The following MIDEAS variants were observed in gnomAD, a reference collection of about 807,000 sequenced individuals.
The protein encoded by MIDEAS is mitotic deacetylase-associated SANT domain protein.
Under a neutral mutation model 102.7 loss-of-function variants are expected in MIDEAS, and 26 were observed. The observed-to-expected ratio is 0.25, with a 90% CI of 0.19 to 0.35. The LOEUF (loss-of-function observed/expected upper bound fraction) is 0.35, where lower values mean the gene tolerates loss of function less well. Ranked by LOEUF, MIDEAS falls within the 10% of genes least tolerant of loss-of-function variation. The pLI is 1.00. For missense variants in MIDEAS, 1,231 were observed against 1,435.6 expected (o/e 0.86, Z 2.30); for synonymous variants, 585 against 591.0 (o/e 0.99, Z 0.15).
intron 1 of MIDEAS, among the ~76,000 whole-genome samples, chr14:73,746,888 A>G (rs1029876711): frequency 6.6e-6 from 1 of 152,166 alleles, no homozygotes; most frequent in African/African-American, 2.4e-5. Context: ...GAGACACAGG[A>G]GACACAGAGC....
chr14:73,769,860 A>G (rs1411697220), intron 1 of MIDEAS, among the ~76,000 whole-genome samples: 1 of 149,790 alleles, frequency 6.7e-6, no homozygotes, highest in Admixed American at 6.6e-5. Context: ...TCGGCCTCCC[A>G]AAGTGCTGGG....
chr14:73,727,093 A>G, intron 5 of MIDEAS, 121 bp from the exon 6 acceptor site: 8 of 1,291,456 alleles, frequency 6.2e-6, no homozygotes, highest in Non-Finnish European at 8.4e-6. Context: ...AGCTAGGTGT[A>G]GGGAGTCTGG....
chr14:73,756,370 T>G (rs1366313858), intron 1 of MIDEAS, among the ~76,000 whole-genome samples: 1 of 152,116 alleles, frequency 6.6e-6, no homozygotes, highest in Non-Finnish European at 1.5e-5. Context: ...ATTAAAGTTA[T>G]GCTGTAATGC....
chr14:73,739,887 A>T lies in MIDEAS; in HGVS notation c.122T>A (p.Val41Glu), dbSNP rs1451365610. 6.4e-7 allele frequency: 1 copy of T among 1,557,138 alleles called. No homozygotes were observed. The highest frequency in any genetic ancestry group is 8.7e-7 in the Non-Finnish European group (1 of 1,148,948). Residue 41 changes from valine to glutamate, a missense_variant, in exon 2 of 13, where the codon GTG becomes GAG. By Grantham distance (121) the Val-to-Glu change is moderately radical (BLOSUM62 -2). Coordinates refer to ENST00000423556, the MANE Select transcript of MIDEAS (RefSeq NM_001367710.1). ...GTGCCCGAGGTACTGCTCCTCCTTC[A>T]CTCTGATGGACTGCTGGGGGGGCTG... The part of the protein sequence containing the change: ...PLQPPQQSIR[V>E]KEEQYLGHEG...
intron 7 of MIDEAS, 122 bp from the exon 8 acceptor site, chr14:73,726,230 G>A (rs1016586724): frequency 3.0e-5 from 25 of 821,564 alleles, no homozygotes; most frequent in Non-Finnish European, 4.9e-5. Context: ...CTTAACTGCT[G>A]AGAGATAAGG....
intron 1 of MIDEAS, among the ~76,000 whole-genome samples, chr14:73,766,770 G>A (rs760806946): frequency 1.5e-4 from 23 of 150,926 alleles, no homozygotes; most frequent in Middle Eastern, 3.5e-3. Flanking sequence ...CAGGATGGTC[G>A]TCTCAATCTC....
rs114483256 is a variant in MIDEAS, at chr14:73,722,957, G to A, written c.2575-110C>T. 3,654 of 1,314,898 alleles carry A rather than the reference G, an allele frequency of 2.8e-3. 88 individuals are homozygous for A. The African/African-American group carries it at 0.048, about 17-fold the overall frequency. The allele number at this position is 1,314,898 out of a possible 1,614,324, so 81.5% of individuals were successfully genotyped here. A position where few individuals can be genotyped will look rare whatever the true frequency, so the allele number is the denominator to read the frequency against. ...CTTTCCCTTAACTTCAAGCCAAAAT[G>A]AAACCCAGCCAACCCAGGCAATACA... On this transcript the variant is annotated intron_variant, in intron 9 of 12. Transcript: ENST00000423556.
chr14:73,725,258 A>G lies in MIDEAS; in HGVS notation c.2574+14T>C. 4 of 1,612,318 alleles carry G rather than the reference A, an allele frequency of 2.5e-6. No homozygotes were observed. The highest frequency in any genetic ancestry group is 1.1e-5 in the South Asian group (1 of 91,034). ...TCCTGGCCCTCATTTGCCCTGAAAC[A>G]GAGCCCAGCTCACCAGCTTCTGCAC... On this transcript the variant is annotated intron_variant, in intron 9 of 12. Transcript: ENST00000423556. This position sits in a 1 kb window ranked among gnomAD's most constrained non-coding sequence, Gnocchi z 4.1.
chr14:73,745,472 G>T (rs2053339448), intron 1 of MIDEAS, among the ~76,000 whole-genome samples: 1 of 152,198 alleles, frequency 6.6e-6, no homozygotes. Context: ...GTCTGGCCAG[G>T]ATGCCAGGGA....
rs1420411119 is a variant in MIDEAS at position 73,726,759 on chromosome 14, G to T, written c.2306-52C>A. The stretch of plus-strand genomic sequence containing the variant: ...AGGGGAGGAAACCACGTTCAGGGCG[G>T]GGCTGGGCAGGGTGAGGCCTGGCCC... On this transcript the variant is annotated intron_variant, in intron 6 of 12. Transcript: ENST00000423556. 4 of 1,611,958 alleles carry T rather than the reference G, an allele frequency of 2.5e-6. No homozygotes were observed. In the South Asian group the frequency reaches 4.4e-5, roughly 18 times the overall value.
rs183329883 is a variant in MIDEAS at position 73,740,021 on chromosome 14, T to C, written c.-13A>G. 8.1e-6 allele frequency: 12 copies of C among 1,474,674 alleles called. No homozygotes were observed. The East Asian group carries it at 2.9e-4, about 35-fold the overall frequency. 91.3% of individuals were successfully genotyped at this position (1,474,674 alleles called of 1,614,324 possible). A position where few individuals can be genotyped will look rare whatever the true frequency, so the allele number is the denominator to read the frequency against. On this transcript the variant is annotated 5_prime_UTR_variant, in exon 2 of 13. Coordinates refer to ENST00000423556, the MANE Select transcript of MIDEAS (RefSeq NM_001367710.1). ...CCTGGAGGTTCATGATGTGGCCAAC[T>C]GAGCCCTGGCGGTGAGATCCCCTTC...
chr14:73,773,265 C>T (rs1261927204), intron 1 of MIDEAS, among the ~76,000 whole-genome samples: 1 of 151,906 alleles, frequency 6.6e-6, no homozygotes, highest in African/African-American at 2.4e-5. Context: ...GCACTTTTCC[C>T]AGCTCCTCAG....
upstream of MIDEAS, among the ~76,000 whole-genome samples, chr14:73,763,725 A>G (rs2053571345): frequency 1.3e-5 from 2 of 152,120 alleles, no homozygotes; most frequent in African/African-American, 4.8e-5. Context: ...CCCTCTAGAG[A>G]ACTAAAGTAC....
chr14:73,758,991 T>C (rs2053521818), intron 1 of MIDEAS, among the ~76,000 whole-genome samples: 1 of 151,862 alleles, frequency 6.6e-6, no homozygotes, highest in African/African-American at 2.4e-5. Context: ...GAATCCCGGG[T>C]TTCGGCGCTG....
Position 73,738,905 on chromosome 14 carries a change from C to A in MIDEAS, c.1104G>T (p.Gly368=). ...SALDGAGTQP[G]QEATGNLFLH... ...GGAACAGGTTGCCAGTGGCCTCCTG[C>A]CCAGGCTGGGTGCCAGCCCCATCCA... Residue 368 remains glycine, a synonymous_variant, in exon 2 of 13, where the codon GGG becomes GGT. Coordinates refer to ENST00000423556, the MANE Select transcript of MIDEAS (RefSeq NM_001367710.1). 6.5e-7 allele frequency: 1 copy of A among 1,537,818 alleles called. No individual in the cohort carries two copies. Among genetic ancestry groups the A allele is most frequent in the Admixed American group, 2.1e-5 (1 of 48,270 alleles).
At chr14:73,721,718 G>C (rs923827335) in intron 10 of MIDEAS, 27 of 554,758 alleles carry the variant, frequency 4.9e-5, no homozygotes, top group Admixed American at 2.8e-4. Flanking sequence ...GGGAGCACCT[G>C]AGAGAGAACG....
intron 1 of MIDEAS, chr14:73,786,983 GCCCGGCCCAA>G (rs1000276629): frequency 1.3e-4 from 20 of 151,380 alleles, no homozygotes; most frequent in African/African-American, 3.4e-4. Flanking sequence ...GCACCCCAGC[GCCCGGCCCAA>G]CCCGGCCCGC....
rs1204439188 is a variant in MIDEAS, at chr14:73,716,666, G to A, written c.*2177C>T. ...CCACTGCACTCCAGCCTGGGCGACA[G>A]AATGAGACTCTGTCTCAAAAAAAAA... On this transcript the variant is annotated 3_prime_UTR_variant, in exon 13 of 13. Coordinates refer to ENST00000423556, the MANE Select transcript of MIDEAS (RefSeq NM_001367710.1). 4.6e-5 allele frequency: 5 copies of A among 108,400 alleles called. No individual in the cohort carries two copies. The highest frequency in any genetic ancestry group is 6.7e-5 in the Non-Finnish European group (4 of 59,814). 6.7% of individuals were successfully genotyped at this position (108,400 alleles called of 1,614,324 possible).
In MIDEAS at chr14:73,727,531, G is replaced by A. The variant is rs2053079484; in HGVS notation, c.2096-7C>T. On this transcript the variant is annotated splice_region_variant and splice_polypyrimidine_tract_variant and intron_variant, in intron 4 of 12. Transcript: ENST00000423556. Reference sequence around the variant, plus strand: ...GGGGTTACTTCAGCACTGTCTATGGGACAAAGAGCAGGTTGATAAATAGCA... The same window carrying A: ...GGGGTTACTTCAGCACTGTCTATGGAACAAAGAGCAGGTTGATAAATAGCA... 1.2e-6 allele frequency: 2 copies of A among 1,602,558 alleles called. No individual in the cohort carries two copies. Among genetic ancestry groups the A allele is most frequent in the Non-Finnish European group, 1.7e-6 (2 of 1,174,280 alleles).
Sources: allele counts gnomAD v4.1 joint callset (sites outside exome capture counted in the v4.1 genomes callset), GRCh38; gene constraint gnomAD v4.1.1; non-coding constraint Gnocchi (gnomAD v3.1); transcripts MANE v1.5; gene names NCBI Gene and HGNC (gene_info 2026-07-23, HGNC 2026-07-21).